The following MYO9A variants were observed in gnomAD, a reference collection of about 807,000 sequenced individuals.
MYO9A encodes myosin IXA, also known as unconventional myosin-IXa.
A neutral mutation model predicts 293.3 loss-of-function variants in MYO9A; 103 were observed. The observed-to-expected ratio is 0.35, with a 90% CI of 0.30 to 0.41. MYO9A has a LOEUF of 0.41. Ranked by LOEUF, MYO9A falls within the 10% of genes least tolerant of loss-of-function variation. MYO9A has a pLI of 1.00. For missense variants in MYO9A, 2,685 were observed against 3,033.0 expected (o/e 0.89, Z 2.69); for synonymous variants, 1,001 against 1,035.7 (o/e 0.97, Z 0.64).
rs1294457177 is a variant in MYO9A, at chr15:71,988,432, G to GT, written c.1722+2670dup. Among the ~76,000 whole-genome samples, 24 of 152,276 alleles carry GT rather than the reference G, an allele frequency of 1.6e-4. 1 individual carries two copies. The highest frequency in any genetic ancestry group is 6.8e-3 in the Middle Eastern group (2 of 294). ...ACTGATAAGTAACACTACATAACTC[G>GT]TAAGTGTTAGCTAATATTATAACAA... On this transcript the variant is annotated intron_variant, in intron 11 of 41. Coordinates refer to ENST00000356056, the MANE Select transcript of MYO9A (RefSeq NM_006901.4).
intron 1 of MYO9A, among the ~76,000 whole-genome samples, chr15:72,074,144 T>C (rs1229141411): frequency 6.6e-6 from 1 of 152,148 alleles, no homozygotes; most frequent in Non-Finnish European, 1.5e-5. Context: ...TAGGTATTAA[T>C]GTGTGATAAT....
intron 18 of MYO9A, among the ~76,000 whole-genome samples, chr15:71,929,219 G>A (rs2058411017): frequency 6.6e-6 from 1 of 152,048 alleles, no homozygotes; most frequent in Admixed American, 6.6e-5. Context: ...ATAACATTAT[G>A]TTGTTGACAA....
intron 31 of MYO9A, among the ~76,000 whole-genome samples, chr15:71,876,734 G>C (rs1408173064): frequency 6.6e-6 from 1 of 152,018 alleles, no homozygotes; most frequent in Non-Finnish European, 1.5e-5. Flanking sequence ...GTGCCAAGCT[G>C]ATTGTTTTAA....
At chr15:71,901,385 G>A (rs757607928) in intron 22 of MYO9A, 45 bp from the exon 23 acceptor site, 1 of 1,556,836 alleles carries the variant, frequency 6.4e-7, no homozygotes, top group Non-Finnish European at 8.7e-7. Context: ...AAGAAGAAAT[G>A]AGAAATTTAT....
At chr15:71,963,278 C>T (rs1363271019) in intron 13 of MYO9A, among the ~76,000 whole-genome samples, 1 of 151,896 alleles carries the variant, frequency 6.6e-6, no homozygotes, top group Non-Finnish European at 1.5e-5. Flanking sequence ...AGACACTAGG[C>T]CTTCCCATGT....
chr15:71,835,662 T>C (rs2054910869), intron 39 of MYO9A, among the ~76,000 whole-genome samples: 1 of 152,074 alleles, frequency 6.6e-6, no homozygotes, highest in African/African-American at 2.4e-5. Context: ...TGTTCACAGA[T>C]GGGAAAAATC....
At chr15:71,989,871 A>C (rs2076493810) in intron 11 of MYO9A, among the ~76,000 whole-genome samples, 1 of 151,930 alleles carries the variant, frequency 6.6e-6, no homozygotes, top group Non-Finnish European at 1.5e-5. Context: ...ACAAAAAATA[A>C]AAACAAAAAT....
In MYO9A at chr15:71,960,375, G is replaced by A. The variant is rs78088253; in HGVS notation, c.1987-279C>T. On this transcript the variant is annotated intron_variant, in intron 13 of 41. Coordinates refer to ENST00000356056, the MANE Select transcript of MYO9A (RefSeq NM_006901.4). ...TGTGGCACTCCTACTTCTCCATCTCGTTCCCTCTCTCTTGCCATGTGACAC... is the reference window on the plus strand; with the variant it reads ...TGTGGCACTCCTACTTCTCCATCTCATTCCCTCTCTCTTGCCATGTGACAC... The A allele has an allele frequency of 7.8e-5, 12 of 153,998 alleles. No individual in the cohort carries two copies. The African/African-American group carries it at 1.9e-3, about 24-fold the overall frequency. 9.5% of individuals were successfully genotyped at this position (153,998 alleles called of 1,614,324 possible).
intron 3 of MYO9A, among the ~76,000 whole-genome samples, chr15:72,029,264 G>T (rs1016120573): frequency 6.6e-6 from 1 of 152,152 alleles, no homozygotes; most frequent in African/African-American, 2.4e-5. Context: ...AATTAGTTAC[G>T]TATCACTTAA....
intron 8 of MYO9A, among the ~76,000 whole-genome samples, chr15:72,004,638 A>G (rs946870907): frequency 6.6e-6 from 1 of 152,230 alleles, no homozygotes; most frequent in African/African-American, 2.4e-5. Context: ...TAAACCTGAT[A>G]AAAACTGAAC....
rs1330840954 is a variant in MYO9A at position 71,897,781 on chromosome 15, C to T, written c.4722G>A (p.Leu1574=). 3.1e-6 allele frequency: 5 copies of T among 1,613,988 alleles called. No homozygotes were observed. Among genetic ancestry groups the T allele is most frequent in the Non-Finnish European group, 4.2e-6 (5 of 1,179,996 alleles). Reference sequence around the variant, plus strand: ...CTGCATCTTTTAATGATAGGGACCCCAGTACATTAAGTTCTCCCTTATTTG... The same window carrying T: ...CTGCATCTTTTAATGATAGGGACCCTAGTACATTAAGTTCTCCCTTATTTG... ...NTSNKGELNV[L]GSLSLKDAAL... Residue 1574 remains leucine (L), a synonymous_variant, in exon 25 of 42, where the codon CTG becomes CTA. Coordinates refer to ENST00000356056, the MANE Select transcript of MYO9A (RefSeq NM_006901.4).
In MYO9A at chr15:71,826,974, T is replaced by G; in HGVS notation, c.7253A>C (p.Gln2418Pro). 6.2e-7 allele frequency: 1 copy of G among 1,613,506 alleles called. No individual in the cohort carries two copies. Among genetic ancestry groups the G allele is most frequent in the South Asian group, 1.1e-5 (1 of 90,966 alleles). Reference sequence around the variant, plus strand: ...TAAAGAGTCTTGCTGCTTTTTAAGTTGCTTTCGCAACTTGCTGGAAGGTTC... The same window carrying G: ...TAAAGAGTCTTGCTGCTTTTTAAGTGGCTTTCGCAACTTGCTGGAAGGTTC... ...KSEPSSKLRK[Q>P]LKKQQDSLDV... Residue 2418 changes from glutamine (Q) to proline (P), a missense_variant, in exon 42 of 42, where the codon CAA becomes CCA. Transcript: ENST00000356056.
chr15:72,062,958 G>T (rs1241283631), intron 1 of MYO9A, among the ~76,000 whole-genome samples: 1 of 152,206 alleles, frequency 6.6e-6, no homozygotes, highest in East Asian at 1.9e-4. Flanking sequence ...ACAGGTCAAG[G>T]CTGCAATGAG....
chr15:71,884,309 C>T (rs1010255178), intron 27 of MYO9A, among the ~76,000 whole-genome samples: 8 of 152,146 alleles, frequency 5.3e-5, no homozygotes, highest in African/African-American at 1.9e-4. Flanking sequence ...CTCACCATTA[C>T]ATAATAAAAG....
chr15:71,964,505 G>A (rs1005215926), intron 13 of MYO9A, among the ~76,000 whole-genome samples: 5 of 151,842 alleles, frequency 3.3e-5, no homozygotes, highest in African/African-American at 1.2e-4. Context: ...AAACTGGCTG[G>A]GCGCGATGGC....
intron 39 of MYO9A, among the ~76,000 whole-genome samples, chr15:71,837,131 G>A (rs1210369848): frequency 6.6e-6 from 1 of 152,140 alleles, no homozygotes; most frequent in East Asian, 1.9e-4. Context: ...TTTCTGAGTT[G>A]AGTTTGGCAA....
chr15:72,067,502 C>CA (rs1463423681), intron 1 of MYO9A, among the ~76,000 whole-genome samples: 6 of 151,994 alleles, frequency 3.9e-5, no homozygotes, highest in Non-Finnish European at 8.8e-5. Flanking sequence ...AGGCTGGTCT[C>CA]AAACTCCTGA....
chr15:71,927,869 G>A (rs948401901), intron 18 of MYO9A, among the ~76,000 whole-genome samples: 5 of 150,050 alleles, frequency 3.3e-5, no homozygotes, highest in African/African-American at 1.2e-4. Flanking sequence ...ATTTATTGAA[G>A]AGACTATACT....
chr15:71,926,055 A>G (rs1272745208), intron 18 of MYO9A, among the ~76,000 whole-genome samples: 1 of 152,132 alleles, frequency 6.6e-6, no homozygotes, highest in Non-Finnish European at 1.5e-5. Context: ...ATGGATCCTA[A>G]GGTGGTAAAT....
Sources: gnomAD v4.1 joint callset for allele counts (sites outside exome capture counted in the v4.1 genomes callset) on GRCh38, gnomAD v4.1.1 for gene constraint, MANE v1.5 for transcripts, NCBI Gene and HGNC (gene_info 2026-07-23, HGNC 2026-07-21) for gene names.